DENND11: variants seen among roughly 807,000 people sequenced by gnomAD.
DENND11 encodes DENN domain containing 11.
A neutral mutation model predicts 49.2 loss-of-function variants in DENND11; 34 were observed. That is an observed-to-expected ratio of 0.69 (90% CI 0.53 to 0.92). The LOEUF is 0.92. Among genes scored for constraint, DENND11 ranks in the 40% least tolerant of loss-of-function variants. The pLI, the probability that DENND11 is intolerant of heterozygous loss-of-function variation, is 0.00. For missense variants in DENND11, 475 were observed against 581.6 expected (o/e 0.82, Z 1.88); for synonymous variants, 238 against 230.3 (o/e 1.03, Z -0.30).
rs1798532154 is a variant in DENND11, at chr7:141,702,105, G to A, written c.49C>T (p.Pro17Ser). ...GGGGCCTGCGGCAGGGAGACGGCGG[G>A]GCCCTCGGCCCAGCGCAGCAGCGGC... ...AAPLLRWAEG[P>S]AVSLPQAPQP... The change falls in exon 1 of 9, where the codon CCC becomes TCC. Residue 17 changes from proline (P) to serine (S), a missense_variant. Coordinates refer to ENST00000536163, the MANE Select transcript of DENND11 (RefSeq NM_001080392.2). 2.0e-6 allele frequency: 2 copies of A among 984,374 alleles called. No homozygotes were observed. The highest frequency in any genetic ancestry group is 2.4e-6 in the Non-Finnish European group (2 of 830,666). The allele number at this position is 984,374 out of a possible 1,614,324, so 61.0% of individuals were successfully genotyped here.
At chr7:141,675,211 G>C (rs1798046088) in intron 3 of DENND11, among the ~76,000 whole-genome samples, 1 of 152,152 alleles carries the variant, frequency 6.6e-6, no homozygotes, top group Non-Finnish European at 1.5e-5. Context: ...CTGGGATGAT[G>C]CATCTACAAG....
At chr7:141,688,615 TGG>T (rs1355297700) in intron 1 of DENND11, among the ~76,000 whole-genome samples, 1 of 152,146 alleles carries the variant, frequency 6.6e-6, no homozygotes, top group East Asian at 1.9e-4. Flanking sequence ...GGGGTGACCT[TGG>T]GGATAAGACG....
rs764311316 is a variant in DENND11, at chr7:141,664,216, T to C, written c.1128A>G (p.Glu376=). The change falls in exon 8 of 9, where the codon GAA becomes GAG. Residue 376 remains glutamate (E), a synonymous_variant. Transcript: ENST00000536163. ...EQRQMLLYSQ[E]VEEDYNPCEE... ...CACAAGGGTTGTAGTCTTCTTCTACTTCCTGGGAGTACAACAGCATCTGCC... is the reference window on the plus strand; with the variant it reads ...CACAAGGGTTGTAGTCTTCTTCTACCTCCTGGGAGTACAACAGCATCTGCC... The C allele has an allele frequency of 6.3e-7, 1 of 1,584,902 alleles. No homozygotes were observed.
At chr7:141,678,741 C>A (rs1798105070) in intron 3 of DENND11, among the ~76,000 whole-genome samples, 1 of 152,126 alleles carries the variant, frequency 6.6e-6, no homozygotes, top group African/African-American at 2.4e-5. Flanking sequence ...TCTCATTTAA[C>A]AATAATAATG....
intron 3 of DENND11, among the ~76,000 whole-genome samples, chr7:141,678,528 C>T (rs764845216): frequency 1.3e-5 from 2 of 152,074 alleles, no homozygotes; most frequent in Non-Finnish European, 2.9e-5. Flanking sequence ...AGAGAATGAA[C>T]CCCATGTATT....
chr7:141,693,535 GCA>G lies in DENND11; in HGVS notation c.269-6879_269-6878del, dbSNP rs370098032. ...GAAAACTTACATCCACACAAAACCTGCACACAGATGTTTGCAGCAGCTTTATT... is the reference window on the plus strand; with the variant it reads ...GAAAACTTACATCCACACAAAACCTGCACAGATGTTTGCAGCAGCTTTATT... On this transcript the variant is annotated intron_variant, in intron 1 of 8. Coordinates refer to ENST00000536163, the MANE Select transcript of DENND11 (RefSeq NM_001080392.2). Among the ~76,000 whole-genome samples the G allele has an allele frequency of 1.5e-3, 232 of 152,250 alleles. 2 individuals carry two copies. Among genetic ancestry groups the G allele is most frequent in the African/African-American group, 5.4e-3 (224 of 41,542 alleles).
chr7:141,686,450 C>T, intron 2 of DENND11, 109 bp downstream of exon 2: 1 of 673,248 alleles, frequency 1.5e-6, no homozygotes. Flanking sequence ...ATTTTCAAGG[C>T]ATTTACACAC....
At position 141,674,115 on chromosome 7, in the gene DENND11, AG is replaced by A; in HGVS notation, c.632del (p.Pro211LeufsTer16). On this transcript the variant is annotated frameshift_variant, in exon 4 of 9. Coordinates refer to ENST00000536163, the MANE Select transcript of DENND11 (RefSeq NM_001080392.2). LOFTEE classifies it high-confidence loss of function. ...AGPGRGSSLPPVYWLPSIHRY... is the reference protein window; with the variant it reads ...AGPGRGSSLPXVYWLPSIHRY... ...GGTGGATGGAAGGCAGCCAGTAGAC[AG>A]GGGGCAGGCTGCTGCCTCTGCCGGG... 1.9e-6 allele frequency: 3 copies of A among 1,600,986 alleles called. No homozygotes were observed. The highest frequency in any genetic ancestry group is 2.6e-6 in the Non-Finnish European group (3 of 1,173,952).
intron 7 of DENND11, 63 bp downstream of exon 7, chr7:141,664,841 C>A (rs986004043): frequency 2.0e-6 from 3 of 1,516,828 alleles, no homozygotes; most frequent in Non-Finnish European, 2.7e-6. Context: ...TTTGCAGAGA[C>A]CCCCATGCTG....
In DENND11 at chr7:141,661,882, C is replaced by T. The variant is rs1797800862; in HGVS notation, c.*774G>A. On this transcript the variant is annotated 3_prime_UTR_variant, in exon 9 of 9. Transcript: ENST00000536163. ...CTAAACTGGAAAATTAATTTGCTTG[C>T]AAGCTCCAAGGCCAGCATTGGCCCT... is the stretch of plus-strand genomic sequence containing the variant. 6.6e-6 allele frequency: 1 copy of T among 152,224 alleles called. No individual in the cohort carries two copies. Among genetic ancestry groups the T allele is most frequent in the African/African-American group, 2.4e-5 (1 of 41,460 alleles). The allele number at this position is 152,224 out of a possible 1,614,324, so 9.4% of individuals were successfully genotyped here. A position where few individuals can be genotyped will look rare whatever the true frequency, so the allele number is the denominator to read the frequency against.
intron 3 of DENND11, among the ~76,000 whole-genome samples, chr7:141,675,576 G>A (rs1798051084): frequency 1.3e-5 from 2 of 152,286 alleles, no homozygotes; most frequent in East Asian, 1.9e-4. Flanking sequence ...CCCTGGAACA[G>A]CAGTGATTAA....
intron 3 of DENND11, among the ~76,000 whole-genome samples, chr7:141,685,029 A>ATAT (rs1554410117): frequency 5.1e-4 from 47 of 91,536 alleles, no homozygotes; most frequent in African/African-American, 6.9e-4. Flanking sequence ...AAAAAAAAAA[A>ATAT]ATATATATAT....
At chr7:141,675,831 A>G (rs902430253) in intron 3 of DENND11, among the ~76,000 whole-genome samples, 1 of 152,246 alleles carries the variant, frequency 6.6e-6, no homozygotes, top group Non-Finnish European at 1.5e-5. Flanking sequence ...TTACTAATGT[A>G]AGATGGATGA....
Sources: allele counts gnomAD v4.1 joint callset (sites outside exome capture counted in the v4.1 genomes callset), GRCh38; gene constraint gnomAD v4.1.1; transcripts MANE v1.5; gene names NCBI Gene and HGNC (gene_info 2026-07-23, HGNC 2026-07-21).